ATG7: variants seen among roughly 807,000 people sequenced by gnomAD.
ATG7 encodes the protein autophagy related 7.
A neutral mutation model predicts 82.4 loss-of-function variants in ATG7; 70 were observed. The observed-to-expected ratio is 0.85, with a 90% CI of 0.70 to 1.04. The LOEUF is 1.04. Among genes scored for constraint, ATG7 ranks in the 50% least tolerant of loss-of-function variants. ATG7 has a pLI of 0.00. For missense variants in ATG7, 792 were observed against 864.3 expected, an observed-to-expected ratio of 0.92 and a Z score of 1.05; for synonymous variants, 287 against 313.0, an observed-to-expected ratio of 0.92 and a Z score of 0.88.
intron 19 of ATG7, among the ~76,000 whole-genome samples, chr3:11,423,845 C>G (rs1303462213): frequency 6.6e-6 from 1 of 152,120 alleles, no homozygotes. Flanking sequence ...ACCTTTTGAT[C>G]CTTATTCTGC....
intron 14 of ATG7, 104 bp from the exon 15 acceptor site, chr3:11,358,312 CAT>C: frequency 8.9e-7 from 1 of 1,126,940 alleles, no homozygotes; most frequent in South Asian, 1.5e-5. Flanking sequence ...AGGGAGCTCT[CAT>C]GTATGTGAAC....
chr3:11,385,651 AT>A, intron 19 of ATG7, among the ~76,000 whole-genome samples: 1 of 152,304 alleles, frequency 6.6e-6, no homozygotes, highest in South Asian at 2.1e-4. Flanking sequence ...ATACCAATTA[AT>A]TTTGTAAATG....
chr3:11,491,745 C>G (rs1052278217), intron 20 of ATG7, among the ~76,000 whole-genome samples: 2 of 152,102 alleles, frequency 1.3e-5, no homozygotes, highest in African/African-American at 2.4e-5. Flanking sequence ...CAGTCCAGAC[C>G]CTGTTTGCCT....
At chr3:11,566,322 T>C in the ATG7 span, among the ~76,000 whole-genome samples, 1 of 152,186 alleles carries the variant, frequency 6.6e-6, no homozygotes, top group Non-Finnish European at 1.5e-5. Context: ...CCATGCACCC[T>C]TTACCTTGAC....
chr3:11,440,674 C>CATT (rs769737485), intron 20 of ATG7, among the ~76,000 whole-genome samples: 7 of 39,484 alleles, frequency 1.8e-4, no homozygotes, highest in African/African-American at 6.5e-4. Flanking sequence ...TCCCCATTTG[C>CATT]TTTTTTTTTT....
At chr3:11,343,615 A>T (rs1954022830) in intron 13 of ATG7, among the ~76,000 whole-genome samples, 1 of 151,936 alleles carries the variant, frequency 6.6e-6, no homozygotes, top group South Asian at 2.1e-4. Context: ...TGGGTTATGG[A>T]ACTCTTGTTT....
chr3:11,508,147 ACAG>A (rs1559772498), intron 20 of ATG7, among the ~76,000 whole-genome samples: 2 of 152,058 alleles, frequency 1.3e-5, no homozygotes, highest in Non-Finnish European at 2.9e-5. Context: ...CTTCAGGTCT[ACAG>A]CAGATGTCAA....
chr3:11,394,453 A>G (rs1368452233), intron 19 of ATG7, among the ~76,000 whole-genome samples: 1 of 152,242 alleles, frequency 6.6e-6, no homozygotes, highest in Non-Finnish European at 1.5e-5. Context: ...GTAAGCACAG[A>G]GGAGCAAAGC....
intron 20 of ATG7, among the ~76,000 whole-genome samples, chr3:11,437,525 C>T (rs2083472078): frequency 6.6e-6 from 1 of 152,158 alleles, no homozygotes; most frequent in South Asian, 2.1e-4. Context: ...GGATCTAAAT[C>T]CCAACCTGGA....
At chr3:11,484,130 A>G (rs1293318302) in intron 20 of ATG7, among the ~76,000 whole-genome samples, 1 of 152,200 alleles carries the variant, frequency 6.6e-6, no homozygotes, top group Non-Finnish European at 1.5e-5. Context: ...ACAGTGGCTC[A>G]CACCTGTAAT....
intron 19 of ATG7, among the ~76,000 whole-genome samples, chr3:11,385,196 ATT>A (rs1559512843): frequency 6.6e-6 from 1 of 151,926 alleles, no homozygotes; most frequent in South Asian, 2.1e-4. Context: ...CACCCAGCTA[ATT>A]TTTGTATTTT....
In ATG7 at chr3:11,556,145, T is replaced by TTTC. The variant is rs1206356332; in HGVS notation, c.*1309_*1311dup. On this transcript the variant is annotated 3_prime_UTR_variant, in exon 21 of 21. Transcript: ENST00000693202. Reference sequence around the variant, plus strand: ...AAAGATGGCCTGCCAAACCTTTTTTTTTCTTCTTCCAGGAAAAACAGGCCA... The same window carrying TTTC: ...AAAGATGGCCTGCCAAACCTTTTTTTTTCTTCTTCTTCCAGGAAAAACAGGCCA... The TTTC allele has an allele frequency of 6.5e-6, 1 of 152,704 alleles. No individual in the cohort carries two copies. The highest frequency in any genetic ancestry group is 1.5e-5 in the Non-Finnish European group (1 of 68,034). The allele number at this position is 152,704 out of a possible 1,614,324, so 9.5% of individuals were successfully genotyped here.
At position 11,478,666 on chromosome 3, in the gene ATG7, G is replaced by GA. The variant is rs1274366293; in HGVS notation, c.2079+51746dup. Among the ~76,000 whole-genome samples the GA allele has an allele frequency of 5.3e-5, 8 of 151,988 alleles. No homozygotes were observed. In the East Asian group the frequency reaches 9.7e-4, roughly 18 times the overall value. ...GTCAGCAAAACAGCAGACTTAAATA[G>GA]AAAAAAGCCCCAAAAGGAAAGGAAA... On this transcript the variant is annotated intron_variant, in intron 20 of 20. Coordinates refer to ENST00000693202, the MANE Select transcript of ATG7 (RefSeq NM_001349232.2).
At chr3:11,489,496 A>C (rs866961216) in intron 20 of ATG7, among the ~76,000 whole-genome samples, 1 of 85,934 alleles carries the variant, frequency 1.2e-5, no homozygotes, top group Non-Finnish European at 2.4e-5. Flanking sequence ...TCTGCTCTTT[A>C]GTTATTTCTT....
chr3:11,548,158 T>C (rs1480082539), intron 20 of ATG7, among the ~76,000 whole-genome samples: 1 of 152,224 alleles, frequency 6.6e-6, no homozygotes, highest in African/African-American at 2.4e-5. Flanking sequence ...GCCACATTTT[T>C]AAATTGTGTT....
rs572886851 is a variant in ATG7, at chr3:11,407,888, G to A, written c.1957-18916G>A. 8.5e-5 allele frequency among the ~76,000 whole-genome samples: 13 copies of A among 152,306 alleles called. No homozygotes were observed. The South Asian group carries it at 2.7e-3, about 32-fold the overall frequency. Reference sequence around the variant, plus strand: ...TCCTAGGCTTCAGGGCCTGTAGTGGGAGGGGCTGCCACAAAGTTCTCTGAC... The same window carrying A: ...TCCTAGGCTTCAGGGCCTGTAGTGGAAGGGGCTGCCACAAAGTTCTCTGAC... On this transcript the variant is annotated intron_variant, in intron 19 of 20. Transcript: ENST00000693202.
intron 19 of ATG7, among the ~76,000 whole-genome samples, chr3:11,386,976 A>T (rs2078367032): frequency 6.6e-6 from 1 of 152,154 alleles, no homozygotes; most frequent in African/African-American, 2.4e-5. Flanking sequence ...CTATTTCCTC[A>T]TCCATACAGT....
intron 20 of ATG7, among the ~76,000 whole-genome samples, chr3:11,439,115 C>T (rs2083639419): frequency 7.5e-6 from 1 of 132,478 alleles, no homozygotes; most frequent in Non-Finnish European, 1.5e-5. Flanking sequence ...GTTGCACAGG[C>T]TGGAATGCAG....
chr3:11,388,194 A>G (rs199507551), intron 19 of ATG7, among the ~76,000 whole-genome samples: 3 of 152,188 alleles, frequency 2.0e-5, no homozygotes, highest in East Asian at 3.9e-4. Flanking sequence ...CTTTTCCTCA[A>G]CTGTAGTAAA....
Sources: allele counts gnomAD v4.1 joint callset (sites outside exome capture counted in the v4.1 genomes callset), GRCh38; gene constraint gnomAD v4.1.1; transcripts MANE v1.5; gene names NCBI Gene and HGNC (gene_info 2026-07-23, HGNC 2026-07-21).